The following TRRAP variants were observed in gnomAD, a reference collection of about 807,000 sequenced individuals.
TRRAP encodes transformation/transcription domain-associated protein.
Under a neutral mutation model 438.8 loss-of-function variants are expected in TRRAP, and 41 were observed. That is an observed-to-expected ratio of 0.09 (90% CI 0.07 to 0.12). The LOEUF (loss-of-function observed/expected upper bound fraction) is 0.12, where lower values mean the gene tolerates loss of function less well. Among genes scored for constraint, TRRAP ranks in the 10% least tolerant of loss-of-function variants. The pLI is 1.00. For missense variants in TRRAP, 3,122 were observed against 5,055.1 expected, an observed-to-expected ratio of 0.62 and a Z score of 11.60; for synonymous variants, 1,994 against 1,962.9, an observed-to-expected ratio of 1.02 and a Z score of -0.42.
chr7:98,885,736 A>G (rs1795667347), intron 3 of TRRAP, among the ~76,000 whole-genome samples: 1 of 152,178 alleles, frequency 6.6e-6, no homozygotes, highest in South Asian at 2.1e-4. Context: ...TTTTATTGGA[A>G]GAACTGATCT....
chr7:98,939,406 A>G (rs1277947202), intron 30 of TRRAP, among the ~76,000 whole-genome samples: 1 of 152,238 alleles, frequency 6.6e-6, no homozygotes, highest in East Asian at 1.9e-4. Context: ...TCTCTCATAT[A>G]TGAAAGACAC....
At chr7:98,995,968 T>C in intron 67 of TRRAP, among the ~76,000 whole-genome samples, 1 of 131,246 alleles carries the variant, frequency 7.6e-6, no homozygotes, top group African/African-American at 3.1e-5. Flanking sequence ...CGCATCCCCA[T>C]CCCATCCTCA....
At chr7:98,923,120 CT>C (rs1304563515) in intron 21 of TRRAP, among the ~76,000 whole-genome samples, 3 of 152,188 alleles carry the variant, frequency 2.0e-5, no homozygotes, top group Non-Finnish European at 4.4e-5. Flanking sequence ...TAACCCAAAC[CT>C]TCATCCACAT....
intron 20 of TRRAP, 85 bp from the exon 21 acceptor site, chr7:98,921,668 G>T: frequency 6.4e-7 from 1 of 1,568,784 alleles, no homozygotes; most frequent in South Asian, 1.1e-5. Context: ...GAGCCACTAC[G>T]CCTGGCCTCC....
At chr7:98,922,441 C>T (rs1417109999) in intron 21 of TRRAP, among the ~76,000 whole-genome samples, 2 of 152,154 alleles carry the variant, frequency 1.3e-5, no homozygotes, top group African/African-American at 2.4e-5. Context: ...GCCCCCGCAC[C>T]CTGCTGGAGT....
At chr7:98,927,051 C>A in intron 22 of TRRAP, 116 bp from the exon 23 acceptor site, 2 of 1,139,184 alleles carry the variant, frequency 1.8e-6, no homozygotes, top group East Asian at 2.4e-5. Flanking sequence ...ATAAATTACC[C>A]AGGCCTGTCT....
In TRRAP at chr7:98,976,072, T is replaced by C. The variant is rs1792641196; in HGVS notation, c.7840-77T>C. On this transcript the variant is annotated intron_variant, in intron 53 of 72. Coordinates refer to ENST00000456197, the MANE Select transcript of TRRAP (RefSeq NM_001375524.1). The surrounding 1 kb of genome is among the most constrained non-coding windows in gnomAD (Gnocchi z 4.6). ...CATCGGTAATGTATGAGACAGATCA[T>C]GGGTGTCTTCTGAGCGTGGTTGTGC... 1 of 1,565,930 alleles carries C rather than the reference T, an allele frequency of 6.4e-7. No homozygotes were observed. The highest frequency in any genetic ancestry group is 1.4e-5 in the African/African-American group (1 of 73,518).
intron 11 of TRRAP, among the ~76,000 whole-genome samples, chr7:98,902,604 G>A (rs1049802850): frequency 3.6e-5 from 5 of 138,090 alleles, no homozygotes; most frequent in African/African-American, 1.2e-4. Flanking sequence ...GGAACATTTG[G>A]TGTAAAAAGT....
intron 3 of TRRAP, among the ~76,000 whole-genome samples, chr7:98,887,410 G>C (rs1554404120): frequency 6.6e-6 from 1 of 152,070 alleles, no homozygotes; most frequent in Non-Finnish European, 1.5e-5. Context: ...TAACCTTTAA[G>C]GGTGAAAGGT....
Position 98,970,307 on chromosome 7 carries a change from C to G in TRRAP, c.7692+16C>G. On this transcript the variant is annotated intron_variant, in intron 52 of 72. Transcript: ENST00000456197. ...CAAAGAGGAGGTGAGGCCCTGCACC[C>G]CACAGGCAGAATCCCAGAGAGGAGG... 6.2e-7 allele frequency: 1 copy of G among 1,608,976 alleles called. No homozygotes were observed. Among genetic ancestry groups the G allele is most frequent in the Non-Finnish European group, 8.5e-7 (1 of 1,179,330 alleles).
Position 98,927,375 on chromosome 7 carries a change from GGGGGCACGGT to G in TRRAP, c.3175+19_3175+28del. The G allele has an allele frequency of 1.2e-6, 2 of 1,613,792 alleles. No homozygotes were observed. The highest frequency in any genetic ancestry group is 2.2e-5 in the East Asian group (1 of 44,856). On this transcript the variant is annotated intron_variant, in intron 23 of 72. Transcript: ENST00000456197. ...AGTCGCCCAGCAGTGTGGTGAGCAC[GGGGGCACGGT>G]GGGGCACGGGATTGGTTCTTTGACT...
In TRRAP at chr7:98,956,013, A is replaced by G; in HGVS notation, c.5938-133A>G. 2 of 1,127,102 alleles carry G rather than the reference A, an allele frequency of 1.8e-6. No individual in the cohort carries two copies. Among genetic ancestry groups the G allele is most frequent in the East Asian group, 2.5e-5 (1 of 39,250 alleles). The allele number at this position is 1,127,102 out of a possible 1,614,324, so 69.8% of individuals were successfully genotyped here. Reference sequence around the variant, plus strand: ...AGGTTAGGATTCAGAATTCTTGAGCATCAAGTTGGGCTGTGTGTGTATGTT... The same window carrying G: ...AGGTTAGGATTCAGAATTCTTGAGCGTCAAGTTGGGCTGTGTGTGTATGTT... On this transcript the variant is annotated intron_variant, in intron 41 of 72. Coordinates refer to ENST00000456197, the MANE Select transcript of TRRAP (RefSeq NM_001375524.1). This position sits in a 1 kb window ranked among gnomAD's most constrained non-coding sequence, Gnocchi z 4.5.
In TRRAP at chr7:99,011,358, T is replaced by G; in HGVS notation, c.11160T>G (p.Asn3720Lys). The G allele has an allele frequency of 6.2e-7, 1 of 1,614,132 alleles. No individual in the cohort carries two copies. Among genetic ancestry groups the G allele is most frequent in the Non-Finnish European group, 8.5e-7 (1 of 1,179,974 alleles). Residue 3720 changes from asparagine (N) to lysine (K), a missense_variant, in exon 72 of 73, where the codon AAT (asparagine) becomes AAG (lysine). Physicochemically the swap from Asn to Lys is moderately conservative, Grantham distance 94. This residue lies in a region of TRRAP where 192 missense variants were observed against 355.6 expected (regional missense o/e 0.54). Coordinates refer to ENST00000456197, the MANE Select transcript of TRRAP (RefSeq NM_001375524.1). This position sits in a 1 kb window ranked among gnomAD's most constrained non-coding sequence, Gnocchi z 7.1. ...AAATTTAGGACACTGGCAAACTGAA[T>G]GTTGCCTACTTTCGATTTGACATAA... is the stretch of plus-strand genomic sequence containing the variant. ...LQIAQDTGKL[N>K]VAYFRFDIND...
At position 98,990,670 on chromosome 7, in the gene TRRAP, A is replaced by G. The variant is rs547706712; in HGVS notation, c.9756+51A>G. On this transcript the variant is annotated intron_variant, in intron 64 of 72. Transcript: ENST00000456197. ...CACGTGCACAAAACATTGTGTCTTC[A>G]TTTTGCGTTCTTTTTTCTCCCAGAA... 3.9e-6 allele frequency: 6 copies of G among 1,546,202 alleles called. No individual in the cohort carries two copies. The East Asian group carries it at 1.4e-4, about 35-fold the overall frequency.
chr7:99,004,329 C>A lies in TRRAP; in HGVS notation c.10449C>A (p.Ser3483Arg). Residue 3483 changes from serine to arginine, a missense_variant, in exon 68 of 73, where the codon AGC (serine) becomes AGA (arginine). Physicochemically the swap from Ser to Arg is moderately radical, Grantham distance 110. Around this residue, in one of 24 missense-constraint regions of TRRAP, gnomAD observed 107 missense variants for 327.5 expected, o/e 0.33. Coordinates refer to ENST00000456197, the MANE Select transcript of TRRAP (RefSeq NM_001375524.1). ...FLIEEKCRFL[S>R]NFSAQTAEVE... ...TAGAGGAAAAGTGCCGGTTCTTGAG[C>A]AATTTCTCGGCACAGACAGCTGAAG... The A allele has an allele frequency of 6.2e-7, 1 of 1,614,226 alleles. No homozygotes were observed. The highest frequency in any genetic ancestry group is 8.5e-7 in the Non-Finnish European group (1 of 1,180,046).
intron 58 of TRRAP, 125 bp from the exon 59 acceptor site, chr7:98,981,644 G>C: frequency 1.1e-6 from 1 of 906,310 alleles, no homozygotes; most frequent in South Asian, 1.8e-5. Context: ...CATTTCTATA[G>C]CCTAATTTCT....
chr7:98,913,336 CTGG>C (rs1554409057), intron 18 of TRRAP, among the ~76,000 whole-genome samples: 2 of 151,832 alleles, frequency 1.3e-5, no homozygotes, highest in African/African-American at 4.8e-5. Flanking sequence ...GTCACCCAGG[CTGG>C]AGTGCAGTGG....
chr7:98,922,037 T>C (rs1789820600), intron 21 of TRRAP, 84 bp downstream of exon 21: 1 of 1,555,876 alleles, frequency 6.4e-7, no homozygotes, highest in Admixed American at 1.8e-5. Context: ...ATTAGACCTG[T>C]GTCTTAGGCA....
chr7:98,956,615 T>G lies in TRRAP; in HGVS notation c.6231+82T>G. 1.3e-6 allele frequency: 2 copies of G among 1,536,262 alleles called. No homozygotes were observed. Among genetic ancestry groups the G allele is most frequent in the Non-Finnish European group, 1.7e-6 (2 of 1,145,332 alleles). ...TATTCCCTATATTTAGAATGTGAGC[T>G]CGGTGCTCAGCTGCATTCAGGAGAG... is the stretch of plus-strand genomic sequence containing the variant. On this transcript the variant is annotated intron_variant, in intron 43 of 72. Coordinates refer to ENST00000456197, the MANE Select transcript of TRRAP (RefSeq NM_001375524.1). This position sits in a 1 kb window ranked among gnomAD's most constrained non-coding sequence, Gnocchi z 4.5.
Sources: gnomAD v4.1 joint callset for allele counts (sites outside exome capture counted in the v4.1 genomes callset) on GRCh38, gnomAD v4.1.1 for gene constraint, gnomAD v4.1.1 regional missense constraint, Gnocchi (gnomAD v3.1) non-coding constraint, MANE v1.5 for transcripts, NCBI Gene and HGNC (gene_info 2026-07-23, HGNC 2026-07-21) for gene names.